Variants in TMEM144 observed in about 807,000 individuals in gnomAD.
TMEM144 encodes the protein transmembrane protein 144.
A neutral mutation model predicts 43.6 loss-of-function variants in TMEM144; 39 were observed. The ratio of observed to expected loss-of-function variants is 0.90; its 90% confidence interval spans 0.69 to 1.17. TMEM144 has a LOEUF of 1.17. Ranked by LOEUF, TMEM144 falls within the 50% of genes most tolerant of loss-of-function variation. The probability of loss-of-function intolerance (pLI) is 0.00; values close to 1 mark genes in which losing one functional copy is unlikely to be tolerated. For synonymous variants in TMEM144, 154 were observed against 133.6 expected (o/e 1.15, Z -1.06); for missense variants, 417 against 411.9 (o/e 1.01, Z -0.11).
intron 7 of TMEM144, chr4:158,234,914 G>C (rs528346378): frequency 6.5e-6 from 1 of 152,982 alleles, no homozygotes; most frequent in Admixed American, 6.5e-5. Flanking sequence ...ACCACAGAAA[G>C]TGAAAGTACA....
chr4:158,217,374 T>G lies in TMEM144; in HGVS notation c.286T>G (p.Leu96Val). 1.2e-6 allele frequency: 2 copies of G among 1,613,340 alleles called. No homozygotes were observed. Among genetic ancestry groups the G allele is most frequent in the Non-Finnish European group, 1.7e-6 (2 of 1,179,480 alleles). The change falls in exon 5 of 13, where the codon TTA (leucine) becomes GTA (valine). Residue 96 changes from leucine (L) to valine (V), a missense_variant. Leu to Val is a conservative substitution (Grantham distance 32). Transcript: ENST00000296529. The part of the protein sequence containing the change: ...IKTIGLGLGI[L>V]IWGSFNALTG... ...AACCATTGGTTTAGGCCTTGGAATC[T>G]TAATCTGGGGATCATTTAATGCCTT...
chr4:158,245,262 G>GTC (rs750265782), intron 12 of TMEM144, among the ~76,000 whole-genome samples: 3 of 59,940 alleles, frequency 5.0e-5, no homozygotes, highest in Non-Finnish European at 9.8e-5. Flanking sequence ...GTGTGTGTGT[G>GTC]TATGTATGTT....
Position 158,253,578 on chromosome 4 carries a change from G to T in TMEM144, c.*51G>T. 1 of 1,431,428 alleles carries T rather than the reference G, an allele frequency of 7.0e-7. No individual in the cohort carries two copies. Among genetic ancestry groups the T allele is most frequent in the South Asian group, 1.2e-5 (1 of 85,734 alleles). The allele number at this position is 1,431,428 out of a possible 1,614,324, so 88.7% of individuals were successfully genotyped here. ...CAGTAGTTAAGAGAACGCGTCTATC[G>T]GACAGCGGAGAGATCATGCTGAGAA... is the stretch of plus-strand genomic sequence containing the variant. On this transcript the variant is annotated 3_prime_UTR_variant, in exon 13 of 13. Coordinates refer to ENST00000296529, the MANE Select transcript of TMEM144 (RefSeq NM_018342.5).
Position 158,253,602 on chromosome 4 carries a change from A to C in TMEM144, c.*75A>C, listed in dbSNP as rs1447925930. ...CGGACAGCGGAGAGATCATGCTGAG[A>C]AAAGAGTGCATTTTCATATAGCAAA... On this transcript the variant is annotated 3_prime_UTR_variant, in exon 13 of 13. Transcript: ENST00000296529. 5 of 1,242,906 alleles carry C rather than the reference A, an allele frequency of 4.0e-6. No homozygotes were observed. In the East Asian group the frequency reaches 9.4e-5, roughly 23 times the overall value. 77.0% of individuals were successfully genotyped at this position (1,242,906 alleles called of 1,614,324 possible).
chr4:158,237,269 A>T (rs955325236), intron 8 of TMEM144: 13 of 361,346 alleles, frequency 3.6e-5, no homozygotes, highest in Admixed American at 3.0e-4. Context: ...ACATAATTAT[A>T]ATCCATTTTA....
At chr4:158,223,453 C>CT (rs1734603932) in intron 6 of TMEM144, among the ~76,000 whole-genome samples, 2 of 151,980 alleles carry the variant, frequency 1.3e-5, no homozygotes, top group African/African-American at 4.8e-5. Context: ...ATTTTTTTTA[C>CT]TTTAAGTTCC....
intron 6 of TMEM144, among the ~76,000 whole-genome samples, chr4:158,231,820 T>A (rs149195463): frequency 1.1e-4 from 17 of 152,120 alleles, no homozygotes; most frequent in Non-Finnish European, 2.2e-4. Flanking sequence ...CAGAGAGCCA[T>A]AAAAATCAAA....
At chr4:158,232,868 G>T in intron 6 of TMEM144, 33 bp from the exon 7 acceptor site, 1 of 1,473,784 alleles carries the variant, frequency 6.8e-7, no homozygotes, top group South Asian at 1.2e-5. Flanking sequence ...CCAGTATTAT[G>T]ATAAATATCA....
In TMEM144 at chr4:158,252,730, C is replaced by T. The variant is rs559970401; in HGVS notation, c.955-714C>T. Among the ~76,000 whole-genome samples the T allele has an allele frequency of 4.0e-5, 6 of 151,256 alleles. No homozygotes were observed. In the East Asian group the frequency reaches 1.2e-3, roughly 30 times the overall value. On this transcript the variant is annotated intron_variant, in intron 12 of 12. Transcript: ENST00000296529. The stretch of plus-strand genomic sequence containing the variant: ...GGCTGAGACAGGAGAATCACCTGAA[C>T]CCAGGAGGCGGAGGTTGCAGTGAGC...
chr4:158,213,705 T>G (rs1423193904), intron 3 of TMEM144: 1 of 152,244 alleles, frequency 6.6e-6, no homozygotes, highest in Non-Finnish European at 1.5e-5. Context: ...GAACACATGT[T>G]GGGAATTACT....
rs1436897020 is a variant in TMEM144 at position 158,240,539 on chromosome 4, G to T, written c.802+121G>T. 1.5e-5 allele frequency: 16 copies of T among 1,044,830 alleles called. No individual in the cohort carries two copies. The African/African-American group carries it at 1.9e-4, about 13-fold the overall frequency. The allele number at this position is 1,044,830 out of a possible 1,614,324, so 64.7% of individuals were successfully genotyped here. A position where few individuals can be genotyped will look rare whatever the true frequency, so the allele number is the denominator to read the frequency against. ...CTGTGTGTATATGTGGTGTGTGTGT[G>T]TTGTGTGTGTGTGTGTGTGCATGTT... is the stretch of plus-strand genomic sequence containing the variant. On this transcript the variant is annotated intron_variant, in intron 10 of 12. Transcript: ENST00000296529.
At chr4:158,215,398 A>G in intron 4 of TMEM144, 85 bp downstream of exon 4, 1 of 1,494,208 alleles carries the variant, frequency 6.7e-7, no homozygotes, top group East Asian at 2.4e-5. Context: ...AATAGCGCAA[A>G]CAGTGATTCT....
Position 158,232,998 on chromosome 4 carries a change from G to A in TMEM144, c.495+16G>A. On this transcript the variant is annotated intron_variant, in intron 7 of 12. Transcript: ENST00000296529. ...AACAGAGCATGTGAGTATAGTATGA[G>A]AGACAACTTGATTTGAAACATAAAA... 1 of 1,532,810 alleles carries A rather than the reference G, an allele frequency of 6.5e-7. No individual in the cohort carries two copies. Among genetic ancestry groups the A allele is most frequent in the Non-Finnish European group, 8.9e-7 (1 of 1,125,696 alleles). 95.0% of individuals were successfully genotyped at this position (1,532,810 alleles called of 1,614,324 possible).
At chr4:158,240,565 C>A in intron 10 of TMEM144, 147 bp downstream of exon 10, 1 of 756,364 alleles carries the variant, frequency 1.3e-6, no homozygotes, top group South Asian at 3.0e-5. Flanking sequence ...TGTGCATGTT[C>A]ATTCCCCCTA....
At chr4:158,235,677 AGAT>A (rs1272410275) in intron 8 of TMEM144, 172 bp downstream of exon 8, 4 of 523,238 alleles carry the variant, frequency 7.6e-6, no homozygotes, top group African/African-American at 1.9e-5. Context: ...TTTTAGGTAC[AGAT>A]GCCCTTGAGC....
intron 11 of TMEM144, among the ~76,000 whole-genome samples, chr4:158,242,673 AAAAG>A (rs888637604): frequency 8.5e-5 from 13 of 152,292 alleles, no homozygotes; most frequent in African/African-American, 1.9e-4. Context: ...AAGCTAAAAA[AAAAG>A]AAAGAAAGAA....
rs1579132212 is a variant in TMEM144, at chr4:158,235,582, T to C, written c.563+77T>C. On this transcript the variant is annotated intron_variant, in intron 8 of 12. Transcript: ENST00000296529. Reference sequence around the variant, plus strand: ...AGCAGGGATTACCAGCATGAAGTAATGTTCATCTGAGTTCAAGAAGAAAAT... The same window carrying C: ...AGCAGGGATTACCAGCATGAAGTAACGTTCATCTGAGTTCAAGAAGAAAAT... The C allele has an allele frequency of 6.4e-6, 9 of 1,413,718 alleles. No homozygotes were observed. The East Asian group carries it at 1.7e-4, about 26-fold the overall frequency. 87.6% of individuals were successfully genotyped at this position (1,413,718 alleles called of 1,614,324 possible). A position where few individuals can be genotyped will look rare whatever the true frequency, so the allele number is the denominator to read the frequency against.
intron 10 of TMEM144, among the ~76,000 whole-genome samples, 187 bp downstream of exon 10, chr4:158,240,605 T>C (rs1735586331): frequency 1.3e-5 from 2 of 152,160 alleles, no homozygotes; most frequent in South Asian, 2.1e-4. Flanking sequence ...CCACCAAATA[T>C]GAAGTATTTT....
chr4:158,247,570 T>C (rs1735953432), intron 12 of TMEM144, among the ~76,000 whole-genome samples: 1 of 151,908 alleles, frequency 6.6e-6, no homozygotes, highest in Non-Finnish European at 1.5e-5. Flanking sequence ...AAAATAAATA[T>C]GAAATCAGTT....
Sources: gnomAD v4.1 joint callset for allele counts (sites outside exome capture counted in the v4.1 genomes callset) on GRCh38, gnomAD v4.1.1 for gene constraint, MANE v1.5 for transcripts, NCBI Gene and HGNC (gene_info 2026-07-23, HGNC 2026-07-21) for gene names.